HDAC9: variants seen among roughly 807,000 people sequenced by gnomAD.
HDAC9 encodes the protein MEF-2 interacting transcription repressor (MITR) protein.
Under a neutral mutation model 139.4 loss-of-function variants are expected in HDAC9, and 41 were observed. The observed-to-expected ratio is 0.29, with a 90% CI of 0.23 to 0.38. The LOEUF (loss-of-function observed/expected upper bound fraction) is 0.38. Ranked by LOEUF, HDAC9 falls within the 10% of genes least tolerant of loss-of-function variation. The pLI is 1.00. For missense variants in HDAC9, 1,147 were observed against 1,297.0 expected (o/e 0.88, Z 1.78); for synonymous variants, 517 against 476.2 (o/e 1.09, Z -1.12).
At chr7:18,665,812 A>G (rs570016607) in intron 11 of HDAC9, among the ~76,000 whole-genome samples, 3 of 152,252 alleles carry the variant, frequency 2.0e-5, no homozygotes, top group South Asian at 4.1e-4. Context: ...GATATTGACA[A>G]CATTTTTTAT....
chr7:18,827,314 A>G (rs1163636927), intron 17 of HDAC9, among the ~76,000 whole-genome samples: 1 of 152,146 alleles, frequency 6.6e-6, no homozygotes, highest in African/African-American at 2.4e-5. Context: ...TATCTTTTAC[A>G]TAATTGCTTG....
At chr7:18,750,914 G>A (rs921866459) in intron 14 of HDAC9, among the ~76,000 whole-genome samples, 2 of 152,056 alleles carry the variant, frequency 1.3e-5, no homozygotes, top group African/African-American at 4.8e-5. Flanking sequence ...TATATCCTGC[G>A]GCAGCTGGCC....
chr7:18,183,621 T>C (rs1208723038), intron 2 of HDAC9, among the ~76,000 whole-genome samples: 1 of 152,178 alleles, frequency 6.6e-6, no homozygotes, highest in African/African-American at 2.4e-5. Flanking sequence ...TCACTACTTT[T>C]GTCATTTTAA....
intron 25 of HDAC9, among the ~76,000 whole-genome samples, chr7:18,983,013 A>G (rs564158231): frequency 2.0e-5 from 3 of 152,292 alleles, no homozygotes; most frequent in South Asian, 4.1e-4. Flanking sequence ...TCAGTACAGC[A>G]GTGTTTATAT....
chr7:18,509,618 G>T (rs1440971009), intron 2 of HDAC9, among the ~76,000 whole-genome samples: 1 of 152,124 alleles, frequency 6.6e-6, no homozygotes, highest in Non-Finnish European at 1.5e-5. Flanking sequence ...ATACCTTAAT[G>T]CTCTATTCCA....
rs550392135 is a variant in HDAC9 at position 18,636,165 on chromosome 7, C to T, written c.912+1423C>T. 1.1e-4 allele frequency among the ~76,000 whole-genome samples: 16 copies of T among 152,068 alleles called. No individual in the cohort carries two copies. In the South Asian group the frequency reaches 3.3e-3, roughly 32 times the overall value. On this transcript the variant is annotated intron_variant, in intron 8 of 25. Transcript: ENST00000686413. Reference sequence around the variant, plus strand: ...GAAACTCAAGAGATAGAAGATAAAGCCTAGTACCAACCAGGGAGGATAATC... The same window carrying T: ...GAAACTCAAGAGATAGAAGATAAAGTCTAGTACCAACCAGGGAGGATAATC...
chr7:18,586,024 A>G (rs1031737170), intron 3 of HDAC9, among the ~76,000 whole-genome samples: 5 of 152,216 alleles, frequency 3.3e-5, no homozygotes, highest in African/African-American at 1.2e-4. Flanking sequence ...TAATGTACAC[A>G]TTCAAAATAA....
exon 2 of HDAC9, chr7:18,162,245 C>A: frequency 7.7e-7 from 1 of 1,300,664 alleles, no homozygotes; most frequent in Non-Finnish European, 1.1e-6. Context: ...CCTCTGCCAA[C>A]CCCTCCTGGA....
intron 1 of HDAC9, among the ~76,000 whole-genome samples, chr7:18,371,650 C>T (rs1355243444): frequency 1.3e-5 from 2 of 152,170 alleles, no homozygotes; most frequent in East Asian, 3.8e-4. Context: ...TTATTAGTTT[C>T]TGCATTCTGT....
At chr7:18,661,162 G>A (rs1793008116) in intron 11 of HDAC9, among the ~76,000 whole-genome samples, 1 of 152,042 alleles carries the variant, frequency 6.6e-6, no homozygotes, top group Non-Finnish European at 1.5e-5. Context: ...TTTATTTTTG[G>A]AGGTTGAATT....
At chr7:18,248,888 T>A (rs1351680934) in intron 2 of HDAC9, among the ~76,000 whole-genome samples, 3 of 152,224 alleles carry the variant, frequency 2.0e-5, no homozygotes, top group African/African-American at 7.2e-5. Flanking sequence ...ATTCAAAAAA[T>A]ATATAAAGAC....
At chr7:18,460,181 A>C (rs1793713134) in intron 1 of HDAC9, among the ~76,000 whole-genome samples, 1 of 152,030 alleles carries the variant, frequency 6.6e-6, no homozygotes, top group African/African-American at 2.4e-5. Flanking sequence ...TCAGCCTCCC[A>C]AAGTTATGTT....
In HDAC9 at chr7:18,600,826, T is replaced by C. The variant is rs562239351; in HGVS notation, c.664+6797T>C. On this transcript the variant is annotated intron_variant, in intron 6 of 25. Transcript: ENST00000686413. Reference sequence around the variant, plus strand: ...CCAAATAACTTACTGGAATTTTGTTTTGTTTTGTTTTGTTTTGAGACAGGG... The same window carrying C: ...CCAAATAACTTACTGGAATTTTGTTCTGTTTTGTTTTGTTTTGAGACAGGG... 4.7e-4 allele frequency among the ~76,000 whole-genome samples: 72 copies of C among 152,270 alleles called. 1 individual carries two copies. The South Asian group carries it at 0.014, about 30-fold the overall frequency.
intron 2 of HDAC9, among the ~76,000 whole-genome samples, chr7:18,201,463 C>G (rs1477656001): frequency 6.6e-6 from 1 of 152,204 alleles, no homozygotes; most frequent in Non-Finnish European, 1.5e-5. Flanking sequence ...ATGCCTTTAA[C>G]AGTCCCCTAC....
chr7:18,387,333 A>G (rs907497288), intron 1 of HDAC9, among the ~76,000 whole-genome samples: 13 of 152,308 alleles, frequency 8.5e-5, no homozygotes, highest in African/African-American at 2.2e-4. Context: ...AAAGGGCTCA[A>G]TTAAATGCTG....
intron 2 of HDAC9, among the ~76,000 whole-genome samples, chr7:18,564,754 A>G (rs1821734593): frequency 6.6e-6 from 1 of 152,032 alleles, no homozygotes; most frequent in African/African-American, 2.4e-5. Context: ...AACACTATTC[A>G]AAGTCCTCAA....
At chr7:18,709,936 T>A (rs571515944) in intron 12 of HDAC9, among the ~76,000 whole-genome samples, 1 of 152,276 alleles carries the variant, frequency 6.6e-6, no homozygotes, top group South Asian at 2.1e-4. Flanking sequence ...AATGTCAGTG[T>A]ATTAGTTTGT....
At chr7:18,337,251 CCTTT>C in intron 1 of HDAC9, among the ~76,000 whole-genome samples, 1 of 151,600 alleles carries the variant, frequency 6.6e-6, no homozygotes, top group East Asian at 1.9e-4. Context: ...AACCTTTCTT[CCTTT>C]CTTCCTGTCA....
Position 18,999,333 on chromosome 7 carries a change from T to G in HDAC9, c.*3271T>G, listed in dbSNP as rs1227782348. 1 of 152,180 alleles carries G rather than the reference T, an allele frequency of 6.6e-6. No individual in the cohort carries two copies. Among genetic ancestry groups the G allele is most frequent in the Admixed American group, 6.5e-5 (1 of 15,278 alleles). The allele number at this position is 152,180 out of a possible 1,614,324, so 9.4% of individuals were successfully genotyped here. A position where few individuals can be genotyped will look rare whatever the true frequency, so the allele number is the denominator to read the frequency against. The stretch of plus-strand genomic sequence containing the variant: ...CTTAATAGTTTAGTCCTGCTTTATT[T>G]CCAAAGGGCAATTATAAAGCCTCGT... On this transcript the variant is annotated 3_prime_UTR_variant, in exon 26 of 26. Transcript: ENST00000686413.
Sources: allele counts gnomAD v4.1 joint callset (sites outside exome capture counted in the v4.1 genomes callset), GRCh38; gene constraint gnomAD v4.1.1; transcripts MANE v1.5; gene names NCBI Gene and HGNC (gene_info 2026-07-23, HGNC 2026-07-21).